The following SCARB1 variants were observed in gnomAD, a reference collection of about 807,000 sequenced individuals.
SCARB1 encodes the protein CD36 and LIMPII analogous 1.
A neutral mutation model predicts 57.2 loss-of-function variants in SCARB1; 30 were observed. The observed-to-expected ratio is 0.52, with a 90% CI of 0.39 to 0.71. SCARB1 has a LOEUF of 0.71. Ranked by LOEUF, SCARB1 falls within the 30% of genes least tolerant of loss-of-function variation. The pLI is 0.00. For missense variants in SCARB1, 543 were observed against 671.2 expected, an observed-to-expected ratio of 0.81 and a Z score of 2.11; for synonymous variants, 249 against 268.3, an observed-to-expected ratio of 0.93 and a Z score of 0.70.
chr12:124,812,016 C>T lies in SCARB1; in HGVS notation c.631-51G>A. 7.1e-7 allele frequency: 1 copy of T among 1,415,240 alleles called. No individual in the cohort carries two copies. Among genetic ancestry groups the T allele is most frequent in the Non-Finnish European group, 9.8e-7 (1 of 1,015,668 alleles). 87.7% of individuals were successfully genotyped at this position (1,415,240 alleles called of 1,614,324 possible). A position where few individuals can be genotyped will look rare whatever the true frequency, so the allele number is the denominator to read the frequency against. On this transcript the variant is annotated intron_variant, in intron 4 of 12. Transcript: ENST00000261693. This position sits in a 1 kb window ranked among gnomAD's most constrained non-coding sequence, Gnocchi z 4.3. ...CGTAAGGCTTAGGCCTGCCATTGAGCCGGCCTGGTCTGAACATTCTGGGCT... is the reference window on the plus strand; with the variant it reads ...CGTAAGGCTTAGGCCTGCCATTGAGTCGGCCTGGTCTGAACATTCTGGGCT...
At chr12:124,791,423 A>C (rs1229310148) in intron 9 of SCARB1, among the ~76,000 whole-genome samples, 1 of 152,156 alleles carries the variant, frequency 6.6e-6, no homozygotes, top group African/African-American at 2.4e-5. Flanking sequence ...AGATATTATA[A>C]CGTAACTCTT....
At chr12:124,806,471 AAC>A (rs1287605816) in intron 7 of SCARB1, among the ~76,000 whole-genome samples, 3 of 152,184 alleles carry the variant, frequency 2.0e-5, no homozygotes, top group Non-Finnish European at 4.4e-5. Flanking sequence ...GATGTTACGT[AAC>A]ACACAGACCC....
At position 124,800,587 on chromosome 12, in the gene SCARB1, G is replaced by A. The variant is rs1950094506; in HGVS notation, c.1010-345C>T. ...AAGCGTGGGGAGGGGGAAATGCATG[G>A]TGCACAAGGGTGCTAGGGAGGCACG... On this transcript the variant is annotated intron_variant, in intron 7 of 12. Transcript: ENST00000261693. The surrounding 1 kb of genome is among the most constrained non-coding windows in gnomAD (Gnocchi z 4.8). Among the ~76,000 whole-genome samples the A allele has an allele frequency of 6.6e-6, 1 of 152,162 alleles. No individual in the cohort carries two copies. The highest frequency in any genetic ancestry group is 1.5e-5 in the Non-Finnish European group (1 of 68,020).
At position 124,812,309 on chromosome 12, in the gene SCARB1, G is replaced by A. The variant is rs936953351; in HGVS notation, c.631-344C>T. ...CAGCTCCCTGAGCAATGAAAAAGGA[G>A]AAGTGGCATGTCACTTGGGGGGATG... On this transcript the variant is annotated intron_variant, in intron 4 of 12. Coordinates refer to ENST00000261693, the MANE Select transcript of SCARB1 (RefSeq NM_005505.5). The surrounding 1 kb of genome is among the most constrained non-coding windows in gnomAD (Gnocchi z 4.3). Among the ~76,000 whole-genome samples the A allele has an allele frequency of 2.6e-5, 4 of 152,312 alleles. No individual in the cohort carries two copies. The highest frequency in any genetic ancestry group is 7.2e-5 in the African/African-American group (3 of 41,568).
intron 10 of SCARB1, 136 bp downstream of exon 10, chr12:124,787,270 G>A (rs571170789): frequency 6.7e-6 from 5 of 741,772 alleles, no homozygotes; most frequent in Admixed American, 2.1e-5. Flanking sequence ...TTTCTGATAC[G>A]CTGGTCCATG....
At chr12:124,850,391 G>T (rs1403087384) in intron 1 of SCARB1, among the ~76,000 whole-genome samples, 1 of 151,080 alleles carries the variant, frequency 6.6e-6, no homozygotes, top group Non-Finnish European at 1.5e-5. Context: ...AAATAAATAG[G>T]CCGGGCTTCG....
At chr12:124,793,159 G>C (rs1267493154) in intron 9 of SCARB1, among the ~76,000 whole-genome samples, 1 of 152,188 alleles carries the variant, frequency 6.6e-6, no homozygotes, top group Non-Finnish European at 1.5e-5. Context: ...CTCTGACAAA[G>C]TGTTATTCTT....
At chr12:124,803,145 A>G (rs1446614554) in intron 7 of SCARB1, among the ~76,000 whole-genome samples, 4 of 152,228 alleles carry the variant, frequency 2.6e-5, no homozygotes, top group Non-Finnish European at 5.9e-5. Context: ...GGGTCCATTC[A>G]CATGAAGATG....
intron 1 of SCARB1, among the ~76,000 whole-genome samples, chr12:124,819,845 C>T (rs772831125): frequency 5.9e-5 from 9 of 152,246 alleles, no homozygotes; most frequent in Non-Finnish European, 8.8e-5. Context: ...TCGCACTCCA[C>T]GGGGCCACTT....
In SCARB1 at chr12:124,782,912, G is replaced by A. The variant is rs1473255684; in HGVS notation, c.1402-101C>T. On this transcript the variant is annotated intron_variant, in intron 11 of 12. Transcript: ENST00000261693. ...CAAAAGGCAAAGAGGAAACAGGAAAGGCACATAAGTTTAGAGTCCAACAAC... is the reference window on the plus strand; with the variant it reads ...CAAAAGGCAAAGAGGAAACAGGAAAAGCACATAAGTTTAGAGTCCAACAAC... 14 of 1,273,704 alleles carry A rather than the reference G, an allele frequency of 1.1e-5. No homozygotes were observed. In the Admixed American group the frequency reaches 2.4e-4, roughly 22 times the overall value. The allele number at this position is 1,273,704 out of a possible 1,614,324, so 78.9% of individuals were successfully genotyped here.
chr12:124,837,492 G>T (rs1350318747), intron 1 of SCARB1, among the ~76,000 whole-genome samples: 1 of 135,350 alleles, frequency 7.4e-6, no homozygotes, highest in African/African-American at 2.9e-5. Flanking sequence ...AGGAAGGAAG[G>T]AAGGAAGGAA....
intron 11 of SCARB1, 177 bp downstream of exon 11, chr12:124,786,180 C>T (rs563359076): frequency 1.1e-5 from 18 of 1,580,018 alleles, no homozygotes; most frequent in Middle Eastern, 1.7e-4. Context: ...ATGCAAAAGA[C>T]GCAAGCGTGC....
At chr12:124,840,552 G>A (rs1397934880) in intron 1 of SCARB1, among the ~76,000 whole-genome samples, 1 of 151,906 alleles carries the variant, frequency 6.6e-6, no homozygotes, top group Non-Finnish European at 1.5e-5. Context: ...AGTTGTCCTC[G>A]CTTGATTTTA....
chr12:124,780,290 C>T (rs1446477148), intron 12 of SCARB1, among the ~76,000 whole-genome samples: 1 of 152,202 alleles, frequency 6.6e-6, no homozygotes, highest in Non-Finnish European at 1.5e-5. Context: ...GACCAGTGGA[C>T]ACACAGTTTA....
intron 1 of SCARB1, among the ~76,000 whole-genome samples, chr12:124,831,096 C>G (rs1242695372): frequency 6.6e-6 from 1 of 152,098 alleles, no homozygotes; most frequent in Non-Finnish European, 1.5e-5. Context: ...CTGCCTCAGC[C>G]CCCCAAGTAG....
intron 1 of SCARB1, among the ~76,000 whole-genome samples, chr12:124,827,171 G>A (rs1396227907): frequency 1.3e-5 from 2 of 152,130 alleles, no homozygotes; most frequent in Admixed American, 1.3e-4. Flanking sequence ...GTTTTTATTC[G>A]GCCGGGAGCA....
intron 1 of SCARB1, among the ~76,000 whole-genome samples, chr12:124,862,983 T>C (rs1952962417): frequency 1.3e-5 from 2 of 152,194 alleles, no homozygotes; most frequent in South Asian, 4.1e-4. Context: ...GTTTCCAGAC[T>C]GAATCATGGA....
rs953876186 is a variant in SCARB1, at chr12:124,841,159, C to A, written c.126+22436G>T. On this transcript the variant is annotated intron_variant, in intron 1 of 12. Transcript: ENST00000261693. ...GGCCGAGGTGGGCGGATCACGAGGTCAGGAGATTGAGACCATGCTGGCTAA... is the reference window on the plus strand; with the variant it reads ...GGCCGAGGTGGGCGGATCACGAGGTAAGGAGATTGAGACCATGCTGGCTAA... Among the ~76,000 whole-genome samples, 20 of 152,274 alleles carry A rather than the reference C, an allele frequency of 1.3e-4. No individual in the cohort carries two copies. The East Asian group carries it at 1.7e-3, about 13-fold the overall frequency.
At chr12:124,845,575 G>A (rs1952110164) in intron 1 of SCARB1, among the ~76,000 whole-genome samples, 1 of 150,864 alleles carries the variant, frequency 6.6e-6, no homozygotes, top group Non-Finnish European at 1.5e-5. Flanking sequence ...CGTGGTGGCG[G>A]GCGCCTGTAG....
Sources: gnomAD v4.1 joint callset for allele counts (sites outside exome capture counted in the v4.1 genomes callset) on GRCh38, gnomAD v4.1.1 for gene constraint, Gnocchi (gnomAD v3.1) non-coding constraint, MANE v1.5 for transcripts, NCBI Gene and HGNC (gene_info 2026-07-23, HGNC 2026-07-21) for gene names.